The following GPC6 variants were observed in gnomAD, a reference collection of about 807,000 sequenced individuals.
The protein encoded by GPC6 is glypican 6.
GPC6 carries 14 observed loss-of-function variants against 55.2 expected under a neutral mutation model. The ratio of observed to expected loss-of-function variants is 0.25; its 90% confidence interval spans 0.17 to 0.40. The LOEUF is 0.40. Ranked by LOEUF, GPC6 falls within the 10% of genes least tolerant of loss-of-function variation. The pLI is 1.00. For synonymous variants in GPC6, 278 were observed against 259.6 expected, an observed-to-expected ratio of 1.07 and a Z score of -0.68; for missense variants, 641 against 708.5, an observed-to-expected ratio of 0.90 and a Z score of 1.08.
At chr13:93,650,852 G>A (rs867499565) in intron 2 of GPC6, among the ~76,000 whole-genome samples, 5 of 141,624 alleles carry the variant, frequency 3.5e-5, no homozygotes, top group Admixed American at 1.5e-4. Context: ...ACCTGTCATC[G>A]TTTTCCTCAA....
At chr13:93,250,533 G>T (rs1001003324) in intron 1 of GPC6, among the ~76,000 whole-genome samples, 1 of 152,166 alleles carries the variant, frequency 6.6e-6, no homozygotes, top group African/African-American at 2.4e-5. Flanking sequence ...CCCACCTCCA[G>T]CCTTGATCAC....
At chr13:94,053,692 C>T (rs1884034397) in intron 4 of GPC6, among the ~76,000 whole-genome samples, 1 of 152,074 alleles carries the variant, frequency 6.6e-6, no homozygotes, top group Admixed American at 6.6e-5. Flanking sequence ...TATGTAACTC[C>T]AGGTCTGTAA....
At chr13:93,923,842 A>G (rs1877703790) in intron 3 of GPC6, among the ~76,000 whole-genome samples, 1 of 152,182 alleles carries the variant, frequency 6.6e-6, no homozygotes, top group Non-Finnish European at 1.5e-5. Flanking sequence ...TCCCTTATTT[A>G]GCATCTATTT....
chr13:93,708,196 C>A (rs924048598), intron 2 of GPC6, among the ~76,000 whole-genome samples: 3 of 151,700 alleles, frequency 2.0e-5, no homozygotes, highest in Non-Finnish European at 4.4e-5. Context: ...TATGTGGGCA[C>A]TTGTATGTGT....
chr13:93,696,617 T>TA (rs1380424518), intron 2 of GPC6, among the ~76,000 whole-genome samples: 3 of 150,674 alleles, frequency 2.0e-5, no homozygotes, highest in Non-Finnish European at 4.4e-5. Context: ...TCCATAAATT[T>TA]TTTTTTTTTT....
chr13:93,599,308 T>C (rs2139521566), intron 2 of GPC6, among the ~76,000 whole-genome samples: 1 of 150,192 alleles, frequency 6.7e-6, no homozygotes, highest in East Asian at 2.0e-4. Flanking sequence ...AAAAGAGACA[T>C]CAGAATCTTT....
intron 3 of GPC6, among the ~76,000 whole-genome samples, chr13:94,006,388 C>A (rs1882020794): frequency 6.6e-6 from 1 of 152,130 alleles, no homozygotes; most frequent in Non-Finnish European, 1.5e-5. Flanking sequence ...CCCCACGCTG[C>A]TACTCCTCAG....
intron 2 of GPC6, among the ~76,000 whole-genome samples, chr13:93,749,112 A>G (rs1331533384): frequency 6.6e-6 from 1 of 152,002 alleles, no homozygotes; most frequent in Non-Finnish European, 1.5e-5. Flanking sequence ...CAGAAATGTT[A>G]TTATTACACA....
intron 1 of GPC6, among the ~76,000 whole-genome samples, chr13:93,465,755 C>T (rs1878881231): frequency 6.6e-6 from 1 of 152,240 alleles, no homozygotes; most frequent in Non-Finnish European, 1.5e-5. Context: ...GCATTCACAG[C>T]TTGGCTAACT....
intron 1 of GPC6, among the ~76,000 whole-genome samples, chr13:93,328,510 CA>C (rs1234873925): frequency 6.6e-6 from 1 of 151,794 alleles, no homozygotes; most frequent in Non-Finnish European, 1.5e-5. Context: ...CCTGTCTCTA[CA>C]AAATATACAA....
At chr13:94,012,142 G>C (rs1489835758) in intron 3 of GPC6, among the ~76,000 whole-genome samples, 1 of 152,146 alleles carries the variant, frequency 6.6e-6, no homozygotes. Context: ...CATGCCCATG[G>C]AAGTTTCCAA....
intron 3 of GPC6, among the ~76,000 whole-genome samples, chr13:93,855,046 AC>A (rs1003256434): frequency 6.6e-6 from 1 of 151,600 alleles, no homozygotes; most frequent in African/African-American, 2.4e-5. Context: ...ATCAAAAAGG[AC>A]CATAGTTTAC....
At chr13:93,280,522 T>C (rs984404219) in intron 1 of GPC6, among the ~76,000 whole-genome samples, 1 of 152,266 alleles carries the variant, frequency 6.6e-6, no homozygotes, top group Non-Finnish European at 1.5e-5. Context: ...CACTTTTGAA[T>C]ACAGCTTATG....
At chr13:93,823,650 G>A (rs952246315) in intron 2 of GPC6, among the ~76,000 whole-genome samples, 1 of 152,034 alleles carries the variant, frequency 6.6e-6, no homozygotes, top group African/African-American at 2.4e-5. Flanking sequence ...AAAATATGAC[G>A]AAGACAAATG....
chr13:93,305,536 T>TG (rs1407477897), intron 1 of GPC6, among the ~76,000 whole-genome samples: 1 of 152,160 alleles, frequency 6.6e-6, no homozygotes, highest in Admixed American at 6.5e-5. Context: ...TCCAAATCGA[T>TG]GCCAACTCTA....
chr13:93,975,448 G>A (rs975191353), intron 3 of GPC6, among the ~76,000 whole-genome samples: 7 of 152,102 alleles, frequency 4.6e-5, no homozygotes, highest in African/African-American at 1.7e-4. Flanking sequence ...CATGAATGAT[G>A]AGCTGGGTTA....
intron 1 of GPC6, among the ~76,000 whole-genome samples, chr13:93,539,528 C>T (rs534708501): frequency 5.9e-5 from 9 of 152,044 alleles, no homozygotes; most frequent in South Asian, 2.1e-4. Context: ...GTCGGGCTCA[C>T]GCGGAATTGG....
At chr13:93,916,388 T>G (rs1877295905) in intron 3 of GPC6, among the ~76,000 whole-genome samples, 1 of 152,218 alleles carries the variant, frequency 6.6e-6, no homozygotes, top group Non-Finnish European at 1.5e-5. Flanking sequence ...CCTTTTTTCA[T>G]CACAGAACTG....
At chr13:93,889,316 G>A (rs151219015) in intron 3 of GPC6, among the ~76,000 whole-genome samples, 1 of 151,974 alleles carries the variant, frequency 6.6e-6, no homozygotes, top group African/African-American at 2.4e-5. Flanking sequence ...TTCCCCAAAC[G>A]ATTTTAATGT....
Sources: gnomAD v4.1 joint callset for allele counts (sites outside exome capture counted in the v4.1 genomes callset) on GRCh38, gnomAD v4.1.1 for gene constraint, MANE v1.5 for transcripts, NCBI Gene and HGNC (gene_info 2026-07-23, HGNC 2026-07-21) for gene names.